SUMF2: variants seen among roughly 807,000 people sequenced by gnomAD.
SUMF2 encodes sulfatase modifying factor 2, also known as inactive C-alpha-formylglycine-generating enzyme 2.
In SUMF2, 45 loss-of-function variants were observed where a neutral mutation model predicts 44.8. The observed-to-expected ratio is 1.00, with a 90% CI of 0.79 to 1.29. The LOEUF (loss-of-function observed/expected upper bound fraction) is 1.29, where lower values mean the gene tolerates loss of function less well. Ranked by LOEUF, SUMF2 falls within the 50% of genes most tolerant of loss-of-function variation. The pLI is 0.00. For synonymous variants in SUMF2, 148 were observed against 150.4 expected (o/e 0.98, Z 0.12); for missense variants, 418 against 389.9 (o/e 1.07, Z -0.61).
At position 56,079,760 on chromosome 7, in the gene SUMF2, C is replaced by T. The variant is rs1795851926; in HGVS notation, c.*148C>T. On this transcript the variant is annotated 3_prime_UTR_variant, in exon 9 of 9. Coordinates refer to ENST00000434526, the MANE Select transcript of SUMF2 (RefSeq NM_015411.4). ...TCTCCCATCCCTCTGTGGCAGGCGC[C>T]TCTCACCAGGGCAGGAGAGGACTCA... 7 of 1,563,336 alleles carry T rather than the reference C, an allele frequency of 4.5e-6. No homozygotes were observed. Among genetic ancestry groups the T allele is most frequent in the African/African-American group, 1.4e-5 (1 of 73,462 alleles).
At chr7:56,086,867 A>G in the SUMF2 span, 1 of 873,000 alleles carries the variant, frequency 1.1e-6, no homozygotes, top group Middle Eastern at 2.2e-4. Flanking sequence ...TGGCATCCTC[A>G]GCGCAGGAGC....
At chr7:56,087,193 CTTT>C in the SUMF2 span, among the ~76,000 whole-genome samples, 4 of 116,696 alleles carry the variant, frequency 3.4e-5, no homozygotes, top group South Asian at 5.3e-4. Flanking sequence ...GGCCCAGGGA[CTTT>C]ATTATTATTA....
In SUMF2 at chr7:56,068,498, T is replaced by C. The variant is rs1350208479; in HGVS notation, c.84T>C (p.Thr28=). The C allele has an allele frequency of 6.2e-7, 1 of 1,612,602 alleles. No homozygotes were observed. The highest frequency in any genetic ancestry group is 2.2e-5 in the East Asian group (1 of 44,880). ...TCTCTGCAGGAAATGGACAGGCTAC[T>C]AGCATGGTCCAACTGCAGGGTGGGA... ...AWLKLGNGQA[T]SMVQLQGGRF... is the part of the protein sequence containing the mutation. Residue 28 remains threonine, a synonymous_variant, in exon 2 of 9, where the codon ACT becomes ACC. Transcript: ENST00000434526.
intron 6 of SUMF2, among the ~76,000 whole-genome samples, chr7:56,077,612 C>T (rs948588702): frequency 6.0e-5 from 9 of 151,134 alleles, no homozygotes; most frequent in Non-Finnish European, 1.2e-4. Context: ...TGAGCTACCA[C>T]TGTACTCTAG....
rs201856993 is a variant in SUMF2, at chr7:56,079,683, G to A, written c.*71G>A. 2.2e-4 allele frequency: 360 copies of A among 1,613,746 alleles called. 1 individual carries two copies. The highest frequency in any genetic ancestry group is 5.0e-5 in the Admixed American group (3 of 59,938). ...ATTCCCTGGCCATGTTGCAAACAGCGCAATTCCAAGCTCGAGAGCTTCAGC... is the reference window on the plus strand; with the variant it reads ...ATTCCCTGGCCATGTTGCAAACAGCACAATTCCAAGCTCGAGAGCTTCAGC... On this transcript the variant is annotated 3_prime_UTR_variant, in exon 9 of 9. Transcript: ENST00000434526.
Position 56,079,528 on chromosome 7 carries a change from G to A in SUMF2, c.822G>A (p.Arg274=). The part of the protein sequence containing the change: ...SANHRARVTT[R]MGNTPDSASD... The stretch of plus-strand genomic sequence containing the variant: ...CCTCTCTCCCCTTCTCTGCTGGCAG[G>A]ATGGGCAACACTCCAGATTCAGCCT... The change falls in exon 9 of 9, where the codon AGG becomes AGA. Residue 274 remains arginine (R), a splice_region_variant and synonymous_variant. Coordinates refer to ENST00000434526, the MANE Select transcript of SUMF2 (RefSeq NM_015411.4). 4 of 1,611,196 alleles carry A rather than the reference G, an allele frequency of 2.5e-6. No individual in the cohort carries two copies. Among genetic ancestry groups the A allele is most frequent in the South Asian group, 1.1e-5 (1 of 91,026 alleles).
rs769744698 is a variant in SUMF2 at position 56,078,410 on chromosome 7, G to T, written c.723G>T (p.Pro241=). 1 of 1,611,784 alleles carries T rather than the reference G, an allele frequency of 6.2e-7. No homozygotes were observed. Among genetic ancestry groups the T allele is most frequent in the Non-Finnish European group, 8.5e-7 (1 of 1,178,746 alleles). The part of the protein sequence containing the change: ...LGNVWEWTAS[P]YQAAEQDMRV... ...ACGTGTGGGAGTGGACAGCATCACC[G>T]TACCAGGCTGCTGAGCAGGACATGC... is the stretch of plus-strand genomic sequence containing the variant. Residue 241 remains proline (P), a synonymous_variant, in exon 8 of 9, where the codon CCG becomes CCT. Transcript: ENST00000434526.
chr7:56,084,069 T>C, downstream of SUMF2: 1 of 766,334 alleles, frequency 1.3e-6, no homozygotes, highest in Non-Finnish European at 2.1e-6. Context: ...CAGGTTCCCA[T>C]TACCCTAGTT....
At chr7:56,086,092 TCCTGCCAC>T in the SUMF2 span, among the ~76,000 whole-genome samples, 1 of 151,456 alleles carries the variant, frequency 6.6e-6, no homozygotes, top group Non-Finnish European at 1.5e-5. Flanking sequence ...CGACCTTACA[TCCTGCCAC>T]CCTCTGCTTG....
At chr7:56,079,365 C>G (rs1795818845) in intron 8 of SUMF2, 163 bp from the exon 9 acceptor site, 4 of 710,684 alleles carry the variant, frequency 5.6e-6, no homozygotes, top group Non-Finnish European at 9.5e-6. Flanking sequence ...CTGGCACAGG[C>G]TCAGGACCTG....
chr7:56,081,895 G>A (rs1300811735), downstream of SUMF2: 1 of 1,613,404 alleles, frequency 6.2e-7, no homozygotes, highest in East Asian at 2.2e-5. This position sits in a 1 kb window ranked among gnomAD's most constrained non-coding sequence, Gnocchi z 4.6. Flanking sequence ...CCTCTCACCA[G>A]GTCCTTCACG....
intron 2 of SUMF2, 127 bp from the exon 3 acceptor site, chr7:56,072,870 T>C (rs1795269946): frequency 1.5e-6 from 1 of 648,114 alleles, no homozygotes; most frequent in African/African-American, 1.8e-5. Context: ...GTTAATTCCT[T>C]GGCAATCATG....
downstream of SUMF2, among the ~76,000 whole-genome samples, chr7:56,084,944 G>GTC (rs1481266765): frequency 6.6e-6 from 1 of 152,036 alleles, no homozygotes; most frequent in East Asian, 1.9e-4. Flanking sequence ...CCACAGAGCA[G>GTC]TCGAGACAGC....
downstream of SUMF2, chr7:56,081,373 T>TCTGGGCTC: frequency 6.6e-7 from 1 of 1,510,994 alleles, no homozygotes; most frequent in Non-Finnish European, 8.8e-7. This position sits in a 1 kb window ranked among gnomAD's most constrained non-coding sequence, Gnocchi z 4.6. Context: ...ACAGGGACGC[T>TCTGGGCTC]CTGGGCTCGT....
At position 56,076,908 on chromosome 7, in the gene SUMF2, C is replaced by T. The variant is rs1795596244; in HGVS notation, c.591+19C>T. 6.2e-7 allele frequency: 1 copy of T among 1,600,252 alleles called. No homozygotes were observed. The highest frequency in any genetic ancestry group is 1.3e-5 in the African/African-American group (1 of 74,542). Reference sequence around the variant, plus strand: ...GTGGCAGGTAAGACCTACGTTCCTCCTTTCACCAAGCATTGACAGAGACCT... The same window carrying T: ...GTGGCAGGTAAGACCTACGTTCCTCTTTTCACCAAGCATTGACAGAGACCT... On this transcript the variant is annotated intron_variant, in intron 6 of 8. Transcript: ENST00000434526.
At chr7:56,075,502 C>T (rs565185203) in intron 5 of SUMF2, among the ~76,000 whole-genome samples, 1 of 151,810 alleles carries the variant, frequency 6.6e-6, no homozygotes, top group South Asian at 2.1e-4. Context: ...TGAGACCATC[C>T]TGGCTAACAC....
downstream of SUMF2, chr7:56,081,060 G>C (rs760862823): frequency 5.0e-6 from 8 of 1,612,126 alleles, no homozygotes; most frequent in South Asian, 8.8e-5. This position sits in a 1 kb window ranked among gnomAD's most constrained non-coding sequence, Gnocchi z 4.6. Context: ...CCCCTCAGTA[G>C]TCCTCCTCGG....
At chr7:56,086,330 G>A in the SUMF2 span, among the ~76,000 whole-genome samples, 1 of 151,956 alleles carries the variant, frequency 6.6e-6, no homozygotes, top group African/African-American at 2.4e-5. Flanking sequence ...AAGTTTATAA[G>A]TTAGGCACAG....
At chr7:56,084,228 T>A, downstream of SUMF2, 1 of 1,529,986 alleles carries the variant, frequency 6.5e-7, no homozygotes. Flanking sequence ...ATCTCCATTG[T>A]ATCAGTGTCT....
Sources: allele counts gnomAD v4.1 joint callset (sites outside exome capture counted in the v4.1 genomes callset), GRCh38; gene constraint gnomAD v4.1.1; non-coding constraint Gnocchi (gnomAD v3.1); transcripts MANE v1.5; gene names NCBI Gene and HGNC (gene_info 2026-07-23, HGNC 2026-07-21).